CNTNAP2: variants seen among roughly 807,000 people sequenced by gnomAD.
The protein encoded by CNTNAP2 is contactin-associated protein-like 2.
Under a neutral mutation model 155.2 loss-of-function variants are expected in CNTNAP2, and 98 were observed. That is an observed-to-expected ratio of 0.63 (90% CI 0.54 to 0.75). The LOEUF is 0.75. Ranked by LOEUF, CNTNAP2 falls within the 30% of genes least tolerant of loss-of-function variation. The probability of loss-of-function intolerance (pLI) is 0.00; values close to 1 mark genes in which losing one functional copy is unlikely to be tolerated. For synonymous variants in CNTNAP2, 651 were observed against 631.2 expected (o/e 1.03, Z -0.47); for missense variants, 1,727 against 1,688.1 (o/e 1.02, Z -0.40).
chr7:147,306,927 G>C (rs1795040374), intron 9 of CNTNAP2, among the ~76,000 whole-genome samples: 3 of 152,074 alleles, frequency 2.0e-5, no homozygotes. Context: ...CACACAAAGA[G>C]TGCAATTAAA....
intron 20 of CNTNAP2, among the ~76,000 whole-genome samples, chr7:148,261,086 C>T (rs1796551453): frequency 6.6e-6 from 1 of 152,184 alleles, no homozygotes; most frequent in Admixed American, 6.5e-5. Context: ...TAGAGAGAAG[C>T]CATCTTCCAT....
intron 3 of CNTNAP2, among the ~76,000 whole-genome samples, chr7:146,906,877 C>G (rs1585149962): frequency 6.8e-6 from 1 of 147,346 alleles, no homozygotes; most frequent in East Asian, 2.0e-4. Context: ...ACATTCAAAC[C>G]AAAGGCAAAG....
At chr7:148,395,000 A>G (rs2116687772) in intron 22 of CNTNAP2, among the ~76,000 whole-genome samples, 1 of 152,310 alleles carries the variant, frequency 6.6e-6, no homozygotes, top group South Asian at 2.1e-4. Context: ...ATCTTTTTCT[A>G]GAAATTCGTG....
intron 15 of CNTNAP2, among the ~76,000 whole-genome samples, chr7:148,092,581 G>C: frequency 6.6e-6 from 1 of 152,162 alleles, no homozygotes; most frequent in East Asian, 1.9e-4. Flanking sequence ...TGGCTAGTCC[G>C]AAGCCTAGTG....
intron 19 of CNTNAP2, among the ~76,000 whole-genome samples, chr7:148,220,381 C>A (rs1795723965): frequency 6.6e-6 from 1 of 152,138 alleles, no homozygotes; most frequent in Non-Finnish European, 1.5e-5. Flanking sequence ...GGATTACAGG[C>A]GTGAGCCATC....
chr7:147,345,947 CTTAA>C (rs1458179666), intron 9 of CNTNAP2, among the ~76,000 whole-genome samples: 1 of 152,046 alleles, frequency 6.6e-6, no homozygotes, highest in Admixed American at 6.5e-5. Context: ...TAAGCTCAAG[CTTAA>C]TTAATTAATA....
intron 10 of CNTNAP2, among the ~76,000 whole-genome samples, chr7:147,411,075 CTG>C (rs1797094881): frequency 6.6e-6 from 1 of 152,172 alleles, no homozygotes; most frequent in Admixed American, 6.5e-5. Flanking sequence ...GTCTGTGAAA[CTG>C]GCATCATTCT....
chr7:147,065,866 T>C (rs1213828616), intron 4 of CNTNAP2, among the ~76,000 whole-genome samples: 1 of 152,128 alleles, frequency 6.6e-6, no homozygotes, highest in Admixed American at 6.6e-5. Context: ...TTACTTACAT[T>C]TTAGTCAATA....
At chr7:147,371,672 C>G (rs1796339448) in intron 9 of CNTNAP2, among the ~76,000 whole-genome samples, 1 of 152,172 alleles carries the variant, frequency 6.6e-6, no homozygotes, top group East Asian at 1.9e-4. Context: ...GAAGAACATT[C>G]ACCACTAAAC....
At chr7:147,619,313 A>C (rs1801349603) in intron 12 of CNTNAP2, among the ~76,000 whole-genome samples, 1 of 152,236 alleles carries the variant, frequency 6.6e-6, no homozygotes, top group South Asian at 2.1e-4. Flanking sequence ...ATATGGGAAT[A>C]AGATTCTTAA....
chr7:146,380,955 C>T (rs1795377336), intron 1 of CNTNAP2, among the ~76,000 whole-genome samples: 1 of 150,756 alleles, frequency 6.6e-6, no homozygotes, highest in Non-Finnish European at 1.5e-5. Context: ...CCCGCCACCT[C>T]GCCCGGCTAA....
intron 1 of CNTNAP2, among the ~76,000 whole-genome samples, chr7:146,347,823 C>G (rs1794841207): frequency 6.6e-6 from 1 of 152,170 alleles, no homozygotes; most frequent in Non-Finnish European, 1.5e-5. Context: ...TCCTTGTCCT[C>G]CCATAGTGTT....
At chr7:146,644,909 G>T (rs1012492922) in intron 1 of CNTNAP2, among the ~76,000 whole-genome samples, 8 of 152,042 alleles carry the variant, frequency 5.3e-5, no homozygotes, top group African/African-American at 1.9e-4. Context: ...GGTACAAGGA[G>T]GAACTGGTAC....
chr7:148,324,140 C>A (rs1797849019), intron 21 of CNTNAP2, among the ~76,000 whole-genome samples: 1 of 152,056 alleles, frequency 6.6e-6, no homozygotes, highest in Admixed American at 6.6e-5. Context: ...CCACTTCGGC[C>A]CCCCAAAGTG....
intron 1 of CNTNAP2, among the ~76,000 whole-genome samples, chr7:146,731,942 T>C (rs1801533060): frequency 6.6e-6 from 1 of 152,060 alleles, no homozygotes. Flanking sequence ...TGTCTATATA[T>C]ATATATAAAA....
chr7:146,994,983 A>C (rs1216156522), intron 3 of CNTNAP2, among the ~76,000 whole-genome samples: 1 of 152,026 alleles, frequency 6.6e-6, no homozygotes, highest in East Asian at 1.9e-4. Context: ...ACATCTCCAC[A>C]TTCTTCCCTC....
At chr7:147,131,152 C>G (rs1363857486) in intron 7 of CNTNAP2, among the ~76,000 whole-genome samples, 1 of 147,064 alleles carries the variant, frequency 6.8e-6, no homozygotes, top group African/African-American at 2.6e-5. Flanking sequence ...ATACATGTAC[C>G]ATATACATAT....
intron 10 of CNTNAP2, among the ~76,000 whole-genome samples, chr7:147,465,414 C>T (rs181623208): frequency 3.7e-4 from 56 of 152,186 alleles, no homozygotes; most frequent in African/African-American, 1.1e-3. Flanking sequence ...AGATTTTATG[C>T]GCATAAATTG....
chr7:148,262,689 CCCT>C (rs1408162562), intron 20 of CNTNAP2, among the ~76,000 whole-genome samples: 1 of 152,040 alleles, frequency 6.6e-6, no homozygotes, highest in Non-Finnish European at 1.5e-5. Flanking sequence ...AGGAGAATTC[CCCT>C]ATTATCTTAA....
Sources: gnomAD v4.1 joint callset for allele counts (sites outside exome capture counted in the v4.1 genomes callset) on GRCh38, gnomAD v4.1.1 for gene constraint, MANE v1.5 for transcripts, NCBI Gene and HGNC (gene_info 2026-07-23, HGNC 2026-07-21) for gene names.